SLC2A9: variants seen among roughly 807,000 people sequenced by gnomAD.
SLC2A9 encodes solute carrier family 2 member 9.
In SLC2A9, 39 loss-of-function variants were observed where a neutral mutation model predicts 50.6. That is an observed-to-expected ratio of 0.77 (90% CI 0.60 to 1.01). The LOEUF (loss-of-function observed/expected upper bound fraction) is 1.01. Among genes scored for constraint, SLC2A9 ranks in the 50% least tolerant of loss-of-function variants. The pLI is 0.00. For missense variants in SLC2A9, 686 were observed against 677.6 expected (o/e 1.01, Z -0.14); for synonymous variants, 324 against 276.9 (o/e 1.17, Z -1.69).
intron 3 of SLC2A9, 51 bp from the exon 4 acceptor site, chr4:9,985,844 A>G: frequency 6.2e-7 from 1 of 1,612,914 alleles, no homozygotes; most frequent in Non-Finnish European, 8.5e-7. Context: ...GAGGCATGTC[A>G]CTGAACTGTC....
intron 10 of SLC2A9, among the ~76,000 whole-genome samples, chr4:9,884,021 A>G (rs1437068536): frequency 6.6e-6 from 1 of 152,150 alleles, no homozygotes; most frequent in African/African-American, 2.4e-5. Context: ...GACCAGAGAC[A>G]CTCGGGGTTG....
At chr4:9,896,467 G>T (rs1395267691) in intron 8 of SLC2A9, among the ~76,000 whole-genome samples, 1 of 152,108 alleles carries the variant, frequency 6.6e-6, no homozygotes, top group Non-Finnish European at 1.5e-5. Context: ...TCTTATTTTT[G>T]AGTTTTAAGA....
chr4:9,831,489 G>T (rs1726133402), intron 11 of SLC2A9, among the ~76,000 whole-genome samples: 1 of 152,156 alleles, frequency 6.6e-6, no homozygotes, highest in Admixed American at 6.5e-5. Flanking sequence ...AACTCTACTT[G>T]TTATCACAGC....
At chr4:9,804,247 G>GC (rs1721837534) in intron 3 of SLC2A9, among the ~76,000 whole-genome samples, 1 of 152,228 alleles carries the variant, frequency 6.6e-6, no homozygotes, top group Non-Finnish European at 1.5e-5. Flanking sequence ...GATTTGCTGA[G>GC]TGGACTCAGG....
intron 10 of SLC2A9, among the ~76,000 whole-genome samples, chr4:9,873,451 C>T (rs137896473): frequency 9.8e-5 from 15 of 152,302 alleles, no homozygotes; most frequent in Admixed American, 3.3e-4. Flanking sequence ...TGAATCTGGG[C>T]GGGCTTTGTG....
intron 1 of SLC2A9, among the ~76,000 whole-genome samples, chr4:10,039,165 C>A (rs1764199400): frequency 6.6e-6 from 1 of 152,198 alleles, no homozygotes; most frequent in Non-Finnish European, 1.5e-5. Flanking sequence ...AGAAATGGAC[C>A]TGGAATGTCC....
chr4:9,879,407 C>A (rs766723004), intron 10 of SLC2A9: 12 of 984,258 alleles, frequency 1.2e-5, no homozygotes, highest in Non-Finnish European at 1.4e-5. Flanking sequence ...TGTGTTTGTG[C>A]GTGTGGGGCA....
chr4:9,961,694 A>G (rs192197013), intron 5 of SLC2A9, among the ~76,000 whole-genome samples: 2 of 152,310 alleles, frequency 1.3e-5, no homozygotes, highest in East Asian at 3.9e-4. Context: ...GCAAAAATTG[A>G]CAAATGGAAT....
chr4:10,027,768 G>T (rs1435613982), intron 1 of SLC2A9, among the ~76,000 whole-genome samples: 1 of 152,002 alleles, frequency 6.6e-6, no homozygotes, highest in African/African-American at 2.4e-5. Flanking sequence ...AGGTACATGT[G>T]ACAAGTTGAT....
At chr4:9,885,639 A>G (rs1736070635) in intron 10 of SLC2A9, among the ~76,000 whole-genome samples, 1 of 152,156 alleles carries the variant, frequency 6.6e-6, no homozygotes, top group African/African-American at 2.4e-5. Flanking sequence ...GAGCCTTACT[A>G]TGTCTTCAGC....
At chr4:9,974,521 A>AG (rs1033723444) in intron 5 of SLC2A9, among the ~76,000 whole-genome samples, 1 of 14,240 alleles carries the variant, frequency 7.0e-5, no homozygotes, top group Non-Finnish European at 3.5e-4. Context: ...AATAGCTGCC[A>AG]AAAAAAAAAA....
chr4:9,821,046 A>G (rs1724327932), intron 3 of SLC2A9, among the ~76,000 whole-genome samples: 1 of 152,202 alleles, frequency 6.6e-6, no homozygotes, highest in African/African-American at 2.4e-5. Context: ...GCCACTAAAT[A>G]TGATGCTAGC....
rs74535554 is a variant in SLC2A9 at position 9,979,134 on chromosome 4, C to G, written c.681+1458G>C. ...TTGGATGTGTAAGACACAACCCATA[C>G]GTGGCTTTGAAAGCACACAGACCCG... On this transcript the variant is annotated intron_variant, in intron 5 of 11. Transcript: ENST00000264784. Among the ~76,000 whole-genome samples the G allele has an allele frequency of 9.4e-3, 1,432 of 152,208 alleles. 26 individuals carry two copies. The highest frequency in any genetic ancestry group is 0.033 in the African/African-American group (1,381 of 41,526).
chr4:9,912,442 A>G (rs1056573321), intron 7 of SLC2A9, among the ~76,000 whole-genome samples: 4 of 152,156 alleles, frequency 2.6e-5, no homozygotes, highest in African/African-American at 9.7e-5. Flanking sequence ...GGGCAGCAGG[A>G]AAGAATTTGG....
rs542920882 is a variant in SLC2A9 at position 9,908,267 on chromosome 4, C to T, written c.1081G>A (p.Gly361Arg). The change falls in exon 8 of 12, where the codon GGG becomes AGG. Residue 361 changes from glycine to arginine, a missense_variant. By Grantham distance (125) the Gly-to-Arg change is moderately radical. Coordinates refer to ENST00000264784, the MANE Select transcript of SLC2A9 (RefSeq NM_020041.3). The part of the protein sequence containing the change: ...AKIPYVTLST[G>R]GIETLAAVFS... ...ACGGCAGCCAAAGTCTCGATGCCCCCTGTACTCAAGGTGACGTATGGGATC... is the reference window on the plus strand; with the variant it reads ...ACGGCAGCCAAAGTCTCGATGCCCCTTGTACTCAAGGTGACGTATGGGATC... The T allele has an allele frequency of 1.2e-5, 20 of 1,614,094 alleles. No individual in the cohort carries two copies. In the South Asian group the frequency reaches 2.0e-4, roughly 16 times the overall value.
chr4:9,967,704 A>T (rs1044975734), intron 5 of SLC2A9, among the ~76,000 whole-genome samples: 1 of 151,990 alleles, frequency 6.6e-6, no homozygotes, highest in African/African-American at 2.4e-5. Flanking sequence ...GGGAATAAAG[A>T]TATATTTCTG....
intron 5 of SLC2A9, among the ~76,000 whole-genome samples, chr4:9,963,715 C>T (rs74561401): frequency 6.6e-6 from 1 of 152,132 alleles, no homozygotes; most frequent in Non-Finnish European, 1.5e-5. Context: ...GAGGAAGAAA[C>T]AGCAAAGGCA....
chr4:9,997,487 GC>G (rs1758891950), intron 2 of SLC2A9, among the ~76,000 whole-genome samples: 1 of 152,142 alleles, frequency 6.6e-6, no homozygotes, highest in African/African-American at 2.4e-5. Context: ...GTCACTTGAG[GC>G]CAGGAGTTCG....
chr4:9,972,181 T>C (rs1175041822), intron 5 of SLC2A9, among the ~76,000 whole-genome samples: 3 of 152,208 alleles, frequency 2.0e-5, no homozygotes, highest in Non-Finnish European at 2.9e-5. Context: ...TATATTTCTT[T>C]CCTTGAGAGG....
Sources: allele counts gnomAD v4.1 joint callset (sites outside exome capture counted in the v4.1 genomes callset), GRCh38; gene constraint gnomAD v4.1.1; transcripts MANE v1.5; gene names NCBI Gene and HGNC (gene_info 2026-07-23, HGNC 2026-07-21).